CREB5: variants seen among roughly 807,000 people sequenced by gnomAD.
CREB5 encodes the protein cyclic AMP-responsive element-binding protein 5.
Under a neutral mutation model 57.1 loss-of-function variants are expected in CREB5, and 19 were observed. That is an observed-to-expected ratio of 0.33 (90% confidence interval 0.23 to 0.49). The LOEUF (loss-of-function observed/expected upper bound fraction) is 0.49. Among genes scored for constraint, CREB5 ranks in the 20% least tolerant of loss-of-function variants. The pLI, the probability that CREB5 is intolerant of heterozygous loss-of-function variation, is 0.99. For missense variants in CREB5, 579 were observed against 671.6 expected (o/e 0.86, Z 1.52); for synonymous variants, 238 against 238.3 (o/e 1.00, Z 0.01).
At chr7:28,531,089 T>A (rs189328349) in intron 4 of CREB5, among the ~76,000 whole-genome samples, 1 of 152,046 alleles carries the variant, frequency 6.6e-6, no homozygotes, top group Non-Finnish European at 1.5e-5. Context: ...CACAATATAA[T>A]GTTTTGGGGA....
In CREB5 at chr7:28,530,256, T is replaced by C. The variant is rs62449893; in HGVS notation, c.291+22519T>C. Among the ~76,000 whole-genome samples, 551 of 151,742 alleles carry C rather than the reference T, an allele frequency of 3.6e-3. 3 individuals carry two copies. Among genetic ancestry groups the C allele is most frequent in the Non-Finnish European group, 6.6e-3 (446 of 67,878 alleles). ...AACCCACATTGGTTTTCCTCGCCCG[T>C]CAGATAAGAGGAGCCATGCTTGACC... On this transcript the variant is annotated intron_variant, in intron 4 of 10. Transcript: ENST00000357727.
At chr7:28,396,920 C>T (rs1042228085) in intron 1 of CREB5, among the ~76,000 whole-genome samples, 1 of 152,092 alleles carries the variant, frequency 6.6e-6, no homozygotes, top group Admixed American at 6.6e-5. Context: ...TTTCACTAGG[C>T]TTTCAGTATA....
intron 7 of CREB5, among the ~76,000 whole-genome samples, chr7:28,754,987 G>A (rs1322513555): frequency 6.6e-6 from 1 of 152,184 alleles, no homozygotes; most frequent in Non-Finnish European, 1.5e-5. Context: ...TAAAAAGATA[G>A]CACTCTCTGA....
intron 2 of CREB5, 70 bp downstream of exon 2, chr7:28,488,316 G>C (rs749405392): frequency 7.1e-7 from 1 of 1,413,276 alleles, no homozygotes; most frequent in South Asian, 1.2e-5. Context: ...ACTCTCACCC[G>C]GCAATCATGC....
At chr7:28,314,793 G>A (rs551503050) in intron 1 of CREB5, among the ~76,000 whole-genome samples, 5 of 152,272 alleles carry the variant, frequency 3.3e-5, no homozygotes, top group African/African-American at 4.8e-5. Context: ...CTGGATCACC[G>A]GTGTGCAATT....
intron 1 of CREB5, among the ~76,000 whole-genome samples, chr7:28,390,033 C>T (rs371573127): frequency 7.0e-6 from 1 of 142,232 alleles, no homozygotes; most frequent in African/African-American, 2.6e-5. Context: ...TATTTCATGT[C>T]AAGTAGGAGG....
intron 7 of CREB5, among the ~76,000 whole-genome samples, chr7:28,783,900 C>T (rs965631146): frequency 1.3e-5 from 2 of 152,220 alleles, no homozygotes; most frequent in East Asian, 1.9e-4. Context: ...TCCCTGATCC[C>T]GGGCAATGCT....
intron 1 of CREB5, among the ~76,000 whole-genome samples, chr7:28,464,239 A>T (rs1457946638): frequency 6.6e-6 from 1 of 152,164 alleles, no homozygotes; most frequent in Admixed American, 6.6e-5. Flanking sequence ...GCAAATCCCA[A>T]CATTTATTTT....
intron 7 of CREB5, among the ~76,000 whole-genome samples, chr7:28,790,699 CA>C (rs1159338960): frequency 2.6e-5 from 4 of 152,218 alleles, no homozygotes; most frequent in Non-Finnish European, 5.9e-5. Flanking sequence ...CCCAGAGTAG[CA>C]ACATCTGCCT....
chr7:28,727,143 A>G (rs1216715057), intron 7 of CREB5, among the ~76,000 whole-genome samples: 1 of 151,864 alleles, frequency 6.6e-6, no homozygotes, highest in Non-Finnish European at 1.5e-5. Context: ...ATTAGTATCA[A>G]TGTACTGTAG....
intron 10 of CREB5, among the ~76,000 whole-genome samples, chr7:28,818,430 G>T (rs1031137153): frequency 1.3e-5 from 2 of 152,134 alleles, no homozygotes; most frequent in Non-Finnish European, 2.9e-5. Context: ...AGTATCAAAA[G>T]AAATACCAAA....
intron 7 of CREB5, among the ~76,000 whole-genome samples, chr7:28,745,738 G>C (rs1382360823): frequency 1.3e-5 from 2 of 152,230 alleles, no homozygotes; most frequent in East Asian, 1.9e-4. Context: ...AGACAGGAGA[G>C]AGCTTTCCTT....
At chr7:28,399,213 T>A (rs912696446) in intron 1 of CREB5, among the ~76,000 whole-genome samples, 3 of 151,408 alleles carry the variant, frequency 2.0e-5, no homozygotes, top group African/African-American at 7.3e-5. Flanking sequence ...GTTGACTATA[T>A]CGAAATTTAA....
chr7:28,496,636 C>A (rs574718415), intron 3 of CREB5, among the ~76,000 whole-genome samples: 18 of 152,134 alleles, frequency 1.2e-4, no homozygotes, highest in Non-Finnish European at 2.5e-4. Context: ...TTTATAGACA[C>A]GGTCAGATTC....
At chr7:28,588,039 T>C (rs1322635382) in intron 5 of CREB5, among the ~76,000 whole-genome samples, 2 of 152,152 alleles carry the variant, frequency 1.3e-5, no homozygotes, top group South Asian at 2.1e-4. Flanking sequence ...CTCTGTGCAA[T>C]ATCATGTTCT....
chr7:28,619,718 C>T (rs1229901543), intron 5 of CREB5, among the ~76,000 whole-genome samples: 2 of 152,068 alleles, frequency 1.3e-5, no homozygotes, highest in African/African-American at 4.8e-5. Context: ...TAAAATAAGC[C>T]CACCTCTGTT....
intron 5 of CREB5, among the ~76,000 whole-genome samples, chr7:28,621,029 G>T (rs1318741573): frequency 2.6e-5 from 4 of 152,160 alleles, no homozygotes. Context: ...TTAGAATGAT[G>T]TGGCCATTTC....
intron 7 of CREB5, among the ~76,000 whole-genome samples, chr7:28,790,444 GAGAGAGAGAGAGAGAGAT>G (rs200831804): frequency 0.031 from 2,130 of 68,490 alleles, 19 homozygotes; most frequent in Non-Finnish European, 0.038. Flanking sequence ...GAGAGAGAGA[GAGAGAGAGAGAGAGAGAT>G]AGAGAGAGAG....
At chr7:28,684,436 C>T (rs1182157278) in intron 5 of CREB5, among the ~76,000 whole-genome samples, 1 of 152,186 alleles carries the variant, frequency 6.6e-6, no homozygotes, top group Admixed American at 6.5e-5. Context: ...ACTTCCCCAC[C>T]CCAACCCCCA....
Sources: gnomAD v4.1 joint callset for allele counts (sites outside exome capture counted in the v4.1 genomes callset) on GRCh38, gnomAD v4.1.1 for gene constraint, MANE v1.5 for transcripts, NCBI Gene and HGNC (gene_info 2026-07-23, HGNC 2026-07-21) for gene names.